Variants in BNC2 observed in about 807,000 individuals in gnomAD.
The protein encoded by BNC2 is zinc finger protein basonuclin-2.
In BNC2, 20 loss-of-function variants were observed where a neutral mutation model predicts 76.3. The observed-to-expected ratio is 0.26, with a 90% CI of 0.18 to 0.38. The LOEUF (loss-of-function observed/expected upper bound fraction) is 0.38. BNC2 is among the 10% of genes least tolerant of loss of function. BNC2 has a pLI of 1.00. For synonymous variants in BNC2, 582 were observed against 514.8 expected, an observed-to-expected ratio of 1.13 and a Z score of -1.77; for missense variants, 1,382 against 1,399.8, an observed-to-expected ratio of 0.99 and a Z score of 0.20.
intron 1 of BNC2, chr9:16,832,224 T>C: frequency 1.7e-6 from 2 of 1,191,760 alleles, no homozygotes; most frequent in African/African-American, 1.6e-5. Flanking sequence ...AATATGAAAC[T>C]ATTACATGTA....
chr9:16,423,527 G>A (rs1182277362), intron 6 of BNC2, among the ~76,000 whole-genome samples: 1 of 152,188 alleles, frequency 6.6e-6, no homozygotes, highest in African/African-American at 2.4e-5. Context: ...AATCTTATGT[G>A]TCCTGCACGT....
intron 1 of BNC2, among the ~76,000 whole-genome samples, chr9:16,766,709 C>T (rs945264870): frequency 3.3e-5 from 5 of 152,230 alleles, no homozygotes; most frequent in African/African-American, 9.6e-5. Context: ...ACATCTTCTA[C>T]TTTTACCTCT....
intron 3 of BNC2, among the ~76,000 whole-genome samples, chr9:16,616,332 C>T (rs1820695656): frequency 6.6e-6 from 1 of 151,948 alleles, no homozygotes; most frequent in African/African-American, 2.4e-5. Flanking sequence ...GTTGAGACTG[C>T]AGTGAGCCAT....
At chr9:16,682,397 C>G (rs991728142) in intron 3 of BNC2, among the ~76,000 whole-genome samples, 10 of 151,490 alleles carry the variant, frequency 6.6e-5, no homozygotes, top group Non-Finnish European at 1.3e-4. Flanking sequence ...CAGCAGCAGC[C>G]GAGCTCATCT....
intron 3 of BNC2, among the ~76,000 whole-genome samples, chr9:16,680,325 C>T (rs2134284559): frequency 6.6e-6 from 1 of 152,156 alleles, no homozygotes; most frequent in East Asian, 1.9e-4. Context: ...GGTATAATCA[C>T]TTACCTCCTT....
At chr9:16,446,158 A>C (rs4961718) in intron 5 of BNC2, among the ~76,000 whole-genome samples, 77,028 of 151,952 alleles carry the variant, frequency 0.51, 19,733 homozygotes, top group South Asian at 0.62. Flanking sequence ...AAACACACAC[A>C]GGAATACAGA....
At chr9:16,442,389 C>G (rs1253565705) in intron 5 of BNC2, among the ~76,000 whole-genome samples, 1 of 152,206 alleles carries the variant, frequency 6.6e-6, no homozygotes, top group Non-Finnish European at 1.5e-5. Flanking sequence ...AAATCTGGCA[C>G]CCTGTTCCTG....
At chr9:16,481,461 G>A (rs1822054459) in intron 5 of BNC2, among the ~76,000 whole-genome samples, 1 of 152,140 alleles carries the variant, frequency 6.6e-6, no homozygotes, top group Admixed American at 6.5e-5. Context: ...TGAAGCCAGC[G>A]AGACCACGAG....
chr9:16,727,068 G>A (rs997746986), intron 3 of BNC2: 2 of 152,264 alleles, frequency 1.3e-5, no homozygotes, highest in Non-Finnish European at 2.9e-5. Flanking sequence ...GGCCGGGACG[G>A]AGGAGCGGCT....
At chr9:16,855,899 A>C (rs552566977) in intron 1 of BNC2, among the ~76,000 whole-genome samples, 2 of 152,170 alleles carry the variant, frequency 1.3e-5, no homozygotes, top group South Asian at 4.2e-4. Flanking sequence ...ATGTTGTTTC[A>C]TGGAAATCTG....
chr9:16,624,261 T>C (rs1218631114), intron 3 of BNC2, among the ~76,000 whole-genome samples: 1 of 152,164 alleles, frequency 6.6e-6, no homozygotes, highest in African/African-American at 2.4e-5. Flanking sequence ...CACAGGGCTA[T>C]GAAAACCGAA....
intron 4 of BNC2, chr9:16,580,239 A>G (rs748049751): frequency 5.0e-6 from 2 of 398,290 alleles, no homozygotes; most frequent in Non-Finnish European, 8.9e-6. Context: ...CCAAGGCTAG[A>G]GGCCAACCCC....
chr9:16,437,717 A>G (rs1821048113), intron 5 of BNC2, among the ~76,000 whole-genome samples, 193 bp from the exon 6 acceptor site: 1 of 152,252 alleles, frequency 6.6e-6, no homozygotes, highest in African/African-American at 2.4e-5. Context: ...TAGTAATTAG[A>G]GTCACAGTTA....
intron 5 of BNC2, among the ~76,000 whole-genome samples, chr9:16,522,454 G>A (rs192189530): frequency 3.3e-4 from 51 of 152,274 alleles, no homozygotes; most frequent in African/African-American, 8.7e-4. Flanking sequence ...ACCTTAGCTA[G>A]AGACATATGA....
intron 5 of BNC2, among the ~76,000 whole-genome samples, chr9:16,542,853 C>A (rs1246704692): frequency 6.6e-6 from 1 of 152,272 alleles, no homozygotes; most frequent in East Asian, 1.9e-4. Context: ...CCACACAGAT[C>A]CTTATCTCAT....
intron 1 of BNC2, among the ~76,000 whole-genome samples, chr9:16,772,171 C>G (rs1283508945): frequency 6.6e-6 from 1 of 152,098 alleles, no homozygotes; most frequent in Non-Finnish European, 1.5e-5. Context: ...TGAAAGGTTT[C>G]CAGGCTGATT....
At chr9:16,847,492 T>G in intron 1 of BNC2, among the ~76,000 whole-genome samples, 1 of 141,506 alleles carries the variant, frequency 7.1e-6, no homozygotes, top group Non-Finnish European at 1.5e-5. Context: ...ATTCATTTGG[T>G]TAAAAAGGAA....
At chr9:16,787,265 G>A (rs1272263876) in intron 1 of BNC2, among the ~76,000 whole-genome samples, 1 of 152,202 alleles carries the variant, frequency 6.6e-6, no homozygotes. Flanking sequence ...CTGTGATCTT[G>A]AGTCAGTCAT....
chr9:16,656,982 G>A (rs1821949161), intron 3 of BNC2, among the ~76,000 whole-genome samples: 1 of 152,150 alleles, frequency 6.6e-6, no homozygotes, highest in African/African-American at 2.4e-5. Flanking sequence ...CTAGCCAGAT[G>A]GTGATGCTAT....
Sources: allele counts gnomAD v4.1 joint callset (sites outside exome capture counted in the v4.1 genomes callset), GRCh38; gene constraint gnomAD v4.1.1; transcripts MANE v1.5; gene names NCBI Gene and HGNC (gene_info 2026-07-23, HGNC 2026-07-21).